PLD5: variants seen among roughly 807,000 people sequenced by gnomAD.
The protein encoded by PLD5 is inactive phospholipase D5.
A neutral mutation model predicts 61.1 loss-of-function variants in PLD5; 36 were observed. The observed-to-expected ratio is 0.59, with a 90% CI of 0.45 to 0.78. The LOEUF (loss-of-function observed/expected upper bound fraction) is 0.78, where lower values mean the gene tolerates loss of function less well. PLD5 is among the 30% of genes least tolerant of loss of function. PLD5 has a pLI of 0.00. For synonymous variants in PLD5, 243 were observed against 242.8 expected, an observed-to-expected ratio of 1.00 and a Z score of -0.01; for missense variants, 515 against 644.4, an observed-to-expected ratio of 0.80 and a Z score of 2.17.
chr1:242,124,960 C>A (rs1416080428), intron 5 of PLD5, among the ~76,000 whole-genome samples: 1 of 151,966 alleles, frequency 6.6e-6, no homozygotes, highest in Non-Finnish European at 1.5e-5. Context: ...TTCCTTAACA[C>A]TTTTTTTGTA....
rs75556308 is a variant in PLD5 at position 242,463,102 on chromosome 1, G to A, written c.189+60986C>T. ...ATCTCATGCCTCCCACTCTTCCCAC[G>A]AGCTCATATCTTTTCCTCGCACTGT... On this transcript the variant is annotated intron_variant, in intron 1 of 9. Transcript: ENST00000536534. 9.8e-3 allele frequency among the ~76,000 whole-genome samples: 1,489 copies of A among 152,114 alleles called. 30 individuals are homozygous for A. The highest frequency in any genetic ancestry group is 0.034 in the African/African-American group (1,420 of 41,472).
chr1:242,494,258 C>G (rs968250819), intron 1 of PLD5, among the ~76,000 whole-genome samples: 1 of 152,088 alleles, frequency 6.6e-6, no homozygotes. Flanking sequence ...TGTCCTACCG[C>G]AGGCCCTATA....
chr1:242,321,020 A>T (rs1473766317), intron 2 of PLD5, among the ~76,000 whole-genome samples: 1 of 152,254 alleles, frequency 6.6e-6, no homozygotes, highest in Non-Finnish European at 1.5e-5. Flanking sequence ...TATTTGCAGT[A>T]GGACAAAACA....
chr1:242,349,040 C>T (rs545942925), intron 1 of PLD5, among the ~76,000 whole-genome samples: 3 of 152,182 alleles, frequency 2.0e-5, no homozygotes, highest in East Asian at 1.9e-4. Context: ...GGTGACAGAG[C>T]GAGACTCCAT....
intron 4 of PLD5, among the ~76,000 whole-genome samples, chr1:242,226,318 T>C (rs867391392): frequency 6.6e-6 from 1 of 152,186 alleles, no homozygotes; most frequent in Non-Finnish European, 1.5e-5. Flanking sequence ...GTCAGGACCA[T>C]GGCCTAGTGG....
At chr1:242,526,193 A>G (rs1188140789), upstream of PLD5, among the ~76,000 whole-genome samples, 1 of 152,146 alleles carries the variant, frequency 6.6e-6, no homozygotes, top group East Asian at 1.9e-4. Context: ...ACTTGATCCC[A>G]GGAGTTCCAG....
chr1:242,107,527 T>C, intron 8 of PLD5, 144 bp downstream of exon 8: 1 of 797,302 alleles, frequency 1.3e-6, no homozygotes, highest in Non-Finnish European at 1.9e-6. Flanking sequence ...GTGATTGTTT[T>C]GAAAAAATTA....
chr1:242,126,960 GA>G (rs374236485), intron 5 of PLD5, among the ~76,000 whole-genome samples: 236 of 150,758 alleles, frequency 1.6e-3, no homozygotes, highest in African/African-American at 5.7e-3. Flanking sequence ...AAATTAGCAA[GA>G]AAAAAACAAC....
At chr1:242,289,352 C>T (rs7529076) in intron 2 of PLD5, among the ~76,000 whole-genome samples, 145,937 of 152,210 alleles carry the variant, frequency 0.96, 70,119 homozygotes, top group Middle Eastern at 0.99. Flanking sequence ...TATATTCTCC[C>T]GCAATTCTTT....
At chr1:242,466,592 C>T (rs909058507) in intron 1 of PLD5, among the ~76,000 whole-genome samples, 1 of 152,160 alleles carries the variant, frequency 6.6e-6, no homozygotes, top group African/African-American at 2.4e-5. Flanking sequence ...CATGCTCTTA[C>T]TTATAAAAAG....
chr1:242,487,709 A>C (rs1668008627), intron 1 of PLD5, among the ~76,000 whole-genome samples: 2 of 152,150 alleles, frequency 1.3e-5, no homozygotes, highest in African/African-American at 4.8e-5. Context: ...AACCAACCAA[A>C]TTTTAAAATG....
At chr1:242,294,151 TG>T (rs1675521820) in intron 2 of PLD5, among the ~76,000 whole-genome samples, 1 of 152,208 alleles carries the variant, frequency 6.6e-6, no homozygotes, top group Admixed American at 6.5e-5. Context: ...TTCTGACACC[TG>T]ATAACTAGGG....
intron 1 of PLD5, among the ~76,000 whole-genome samples, chr1:242,490,905 C>T (rs1359403931): frequency 6.6e-6 from 1 of 152,136 alleles, no homozygotes; most frequent in Non-Finnish European, 1.5e-5. Context: ...ATGCTCCTTC[C>T]TGCTTCCTCT....
intron 5 of PLD5, chr1:242,192,123 C>T (rs1178821428): frequency 1.3e-5 from 2 of 152,218 alleles, no homozygotes; most frequent in African/African-American, 2.4e-5. Context: ...ATATAACTGC[C>T]TAGTTGACGT....
chr1:242,392,855 C>T (rs1476721331), intron 1 of PLD5, among the ~76,000 whole-genome samples: 1 of 152,124 alleles, frequency 6.6e-6, no homozygotes, highest in Non-Finnish European at 1.5e-5. Context: ...ATTATCTCCA[C>T]TCGATTAGAG....
intron 4 of PLD5, among the ~76,000 whole-genome samples, chr1:242,221,876 C>T (rs367926601): frequency 3.9e-5 from 6 of 152,256 alleles, no homozygotes; most frequent in African/African-American, 7.2e-5. Context: ...TCCTTAGATA[C>T]GGGATTAGTT....
intron 1 of PLD5, among the ~76,000 whole-genome samples, chr1:242,363,650 GA>G (rs1164941978): frequency 6.6e-6 from 1 of 151,534 alleles, no homozygotes; most frequent in Non-Finnish European, 1.5e-5. Flanking sequence ...TCCACACTGA[GA>G]AAAATAATTA....
chr1:242,241,207 T>C (rs1671978642), intron 4 of PLD5, among the ~76,000 whole-genome samples: 1 of 152,152 alleles, frequency 6.6e-6, no homozygotes, highest in Non-Finnish European at 1.5e-5. Context: ...CCTGTAGTAC[T>C]GATATGATGT....
intron 1 of PLD5, among the ~76,000 whole-genome samples, chr1:242,500,742 G>A (rs1402614492): frequency 6.6e-6 from 1 of 151,938 alleles, no homozygotes; most frequent in Non-Finnish European, 1.5e-5. Context: ...CAAAATTGAG[G>A]GAGACAGGAT....
Sources: allele counts gnomAD v4.1 joint callset (sites outside exome capture counted in the v4.1 genomes callset), GRCh38; gene constraint gnomAD v4.1.1; transcripts MANE v1.5; gene names NCBI Gene and HGNC (gene_info 2026-07-23, HGNC 2026-07-21).